The following SLC9A9 variants were observed in gnomAD, a reference collection of about 807,000 sequenced individuals.
SLC9A9 encodes solute carrier family 9 member A9, also known as sodium/hydrogen exchanger 9.
A neutral mutation model predicts 77.8 loss-of-function variants in SLC9A9; 62 were observed. That is an observed-to-expected ratio of 0.80 (90% CI 0.65 to 0.98). The LOEUF is 0.98. Among genes scored for constraint, SLC9A9 ranks in the 50% least tolerant of loss-of-function variants. The probability of loss-of-function intolerance (pLI) is 0.00; values close to 1 mark genes in which losing one functional copy is unlikely to be tolerated. For missense variants in SLC9A9, 775 were observed against 774.9 expected (o/e 1.00, Z 0.00); for synonymous variants, 320 against 283.5 (o/e 1.13, Z -1.29).
intron 14 of SLC9A9, among the ~76,000 whole-genome samples, chr3:143,284,324 C>T (rs1938315714): frequency 6.6e-6 from 1 of 151,982 alleles, no homozygotes; most frequent in Non-Finnish European, 1.5e-5. Context: ...TTGTTAATAT[C>T]CAACTGCTGT....
intron 4 of SLC9A9, among the ~76,000 whole-genome samples, chr3:143,786,184 C>T (rs911336945): frequency 6.6e-6 from 1 of 152,188 alleles, no homozygotes; most frequent in East Asian, 1.9e-4. Context: ...AAAGGAATCC[C>T]ATATTTGGAA....
intron 13 of SLC9A9, chr3:143,371,959 C>T (rs1036348073): frequency 1.5e-5 from 6 of 408,978 alleles, no homozygotes; most frequent in Non-Finnish European, 2.4e-5. Flanking sequence ...AACTCAATCC[C>T]TTTTACAACA....
At chr3:143,844,702 ACTTTCTTTCTCTTTCTTTCTTT>A (rs2009784285) in intron 1 of SLC9A9, among the ~76,000 whole-genome samples, 1 of 150,834 alleles carries the variant, frequency 6.6e-6, no homozygotes, top group Non-Finnish European at 1.5e-5. Flanking sequence ...TAAAAGTTTA[ACTTTCTTTCTCTTTCTTTCTTT>A]CTTTCTTTCT....
In SLC9A9 at chr3:143,567,133, G is replaced by A. The variant is rs764844403; in HGVS notation, c.1000+6955C>T. 2.0e-5 allele frequency among the ~76,000 whole-genome samples: 3 copies of A among 152,110 alleles called. 1 individual carries two copies. In the South Asian group the frequency reaches 6.2e-4, roughly 32 times the overall value. The stretch of plus-strand genomic sequence containing the variant: ...TCGTGTATACCAGGTACCTCACAGA[G>A]AGAATTCCTTAGGGTCATGTATTTA... On this transcript the variant is annotated intron_variant, in intron 8 of 15. Transcript: ENST00000316549.
chr3:143,291,030 T>C (rs756708371), intron 14 of SLC9A9, among the ~76,000 whole-genome samples: 6 of 152,180 alleles, frequency 3.9e-5, no homozygotes, highest in Non-Finnish European at 5.9e-5. Flanking sequence ...CCTGGAATGT[T>C]GTATGTTTAA....
At chr3:143,417,580 G>A (rs570939409) in intron 12 of SLC9A9, among the ~76,000 whole-genome samples, 1 of 151,780 alleles carries the variant, frequency 6.6e-6, no homozygotes, top group East Asian at 1.9e-4. Flanking sequence ...GAGAGAGAGA[G>A]AGGGAGAGAT....
rs117307417 is a variant in SLC9A9, at chr3:143,505,147, C to G, written c.1090-9699G>C. Among the ~76,000 whole-genome samples, 20 of 152,132 alleles carry G rather than the reference C, an allele frequency of 1.3e-4. No individual in the cohort carries two copies. The East Asian group carries it at 3.9e-3, about 29-fold the overall frequency. ...GGAAGCAACAGTGTGTGGCTTGAGG[C>G]GGGGGATACTTATCCTCTCCCAAAT... On this transcript the variant is annotated intron_variant, in intron 9 of 15. Transcript: ENST00000316549.
chr3:143,839,182 A>T (rs987025723), intron 1 of SLC9A9, among the ~76,000 whole-genome samples: 1 of 152,180 alleles, frequency 6.6e-6, no homozygotes, highest in African/African-American at 2.4e-5. Context: ...AAAAAAACTA[A>T]GGAAACTATA....
rs1172562467 is a variant in SLC9A9 at position 143,640,220 on chromosome 3, A to T, written c.755+12035T>A. Among the ~76,000 whole-genome samples, 5 of 151,932 alleles carry T rather than the reference A, an allele frequency of 3.3e-5. No individual in the cohort carries two copies. In the East Asian group the frequency reaches 9.7e-4, roughly 29 times the overall value. On this transcript the variant is annotated intron_variant, in intron 6 of 15. Transcript: ENST00000316549. ...GTATTTTTAGTAGAGACGCAGTTTC[A>T]CTGTGTTAGCCAGGACAGTCTCAAT...
chr3:143,317,292 C>A (rs1400367295), intron 14 of SLC9A9, among the ~76,000 whole-genome samples: 4 of 152,172 alleles, frequency 2.6e-5, no homozygotes, highest in African/African-American at 9.7e-5. Flanking sequence ...ATGGCCAGGG[C>A]AGCCCTCCTC....
At chr3:143,837,174 A>G (rs2009588636) in intron 1 of SLC9A9, among the ~76,000 whole-genome samples, 1 of 152,222 alleles carries the variant, frequency 6.6e-6, no homozygotes, top group African/African-American at 2.4e-5. Context: ...GTTCAACACT[A>G]TAATTGTGTC....
chr3:143,418,526 C>A (rs1190509861), intron 12 of SLC9A9, among the ~76,000 whole-genome samples: 1 of 151,932 alleles, frequency 6.6e-6, no homozygotes, highest in Non-Finnish European at 1.5e-5. Context: ...AGCTGGGTGG[C>A]AGGTTTGAAG....
chr3:143,734,439 G>T (rs867201827), intron 4 of SLC9A9, among the ~76,000 whole-genome samples: 1 of 152,064 alleles, frequency 6.6e-6, no homozygotes, highest in Non-Finnish European at 1.5e-5. Context: ...GGAGGTGATA[G>T]GTAAGTAGAC....
intron 1 of SLC9A9, 62 bp from the exon 2 acceptor site, chr3:143,832,283 A>G: frequency 7.0e-7 from 1 of 1,418,644 alleles, no homozygotes; most frequent in Non-Finnish European, 9.8e-7. Context: ...CACTATTGGA[A>G]ACCTATATGA....
intron 6 of SLC9A9, among the ~76,000 whole-genome samples, chr3:143,628,478 G>C (rs1294093702): frequency 6.6e-6 from 1 of 152,070 alleles, no homozygotes; most frequent in Non-Finnish European, 1.5e-5. Context: ...ATGGTTGTAT[G>C]GGTGCTCTTA....
intron 4 of SLC9A9, among the ~76,000 whole-genome samples, chr3:143,775,353 G>A (rs2108843020): frequency 6.6e-6 from 1 of 152,230 alleles, no homozygotes; most frequent in South Asian, 2.1e-4. Flanking sequence ...CTTCTTTCAT[G>A]CCTCATTACT....
intron 14 of SLC9A9, among the ~76,000 whole-genome samples, chr3:143,362,780 A>G (rs762747546): frequency 3.9e-5 from 6 of 152,168 alleles, no homozygotes; most frequent in Non-Finnish European, 7.4e-5. Flanking sequence ...GGGATTAGAG[A>G]TGGATGGCTT....
At chr3:143,811,943 GC>G (rs2008879585) in intron 2 of SLC9A9, among the ~76,000 whole-genome samples, 1 of 151,990 alleles carries the variant, frequency 6.6e-6, no homozygotes, top group Non-Finnish European at 1.5e-5. Flanking sequence ...AAATATTGAA[GC>G]AATGGTTTGA....
intron 5 of SLC9A9, among the ~76,000 whole-genome samples, chr3:143,678,423 T>G (rs1307780658): frequency 1.3e-5 from 2 of 152,212 alleles, no homozygotes; most frequent in Admixed American, 6.5e-5. Flanking sequence ...AGTAGTTTTT[T>G]AAAATTTCAT....
Sources: allele counts gnomAD v4.1 joint callset (sites outside exome capture counted in the v4.1 genomes callset), GRCh38; gene constraint gnomAD v4.1.1; transcripts MANE v1.5; gene names NCBI Gene and HGNC (gene_info 2026-07-23, HGNC 2026-07-21).